The following PTPRG variants were observed in gnomAD, a reference collection of about 807,000 sequenced individuals.
PTPRG encodes the protein protein tyrosine phosphatase receptor type G, also known as receptor-type tyrosine-protein phosphatase gamma.
PTPRG carries 102 observed loss-of-function variants against 165.3 expected under a neutral mutation model. That is an observed-to-expected ratio of 0.62 (90% confidence interval 0.53 to 0.73). The LOEUF (loss-of-function observed/expected upper bound fraction) is 0.73. PTPRG is among the 30% of genes least tolerant of loss of function. The pLI, the probability that PTPRG is intolerant of heterozygous loss-of-function variation, is 0.00. For missense variants in PTPRG, 1,866 were observed against 1,861.4 expected (o/e 1.00, Z -0.05); for synonymous variants, 675 against 669.5 (o/e 1.01, Z -0.13).
rs398062374 is a variant in PTPRG at position 62,021,857 on chromosome 3, CTTTT to C, written c.519+18376_519+18379del. Among the ~76,000 whole-genome samples, 907 of 97,122 alleles carry C rather than the reference CTTTT, an allele frequency of 9.3e-3. 9 individuals are homozygous for C. Among genetic ancestry groups the C allele is most frequent in the African/African-American group, 0.033 (842 of 25,692 alleles). 63.7% of individuals were successfully genotyped at this position (97,122 alleles called of 152,430 possible). On this transcript the variant is annotated intron_variant, in intron 4 of 29. Transcript: ENST00000474889. ...TGGCCATATAGGTCTTTTTCCTTTT[CTTTT>C]TTTTTTTTTTTTTTTGCATTCCATG...
intron 2 of PTPRG, among the ~76,000 whole-genome samples, chr3:61,803,277 A>G (rs752382995): frequency 6.6e-6 from 1 of 152,212 alleles, no homozygotes; most frequent in Non-Finnish European, 1.5e-5. Flanking sequence ...TCAACCCATT[A>G]TCTCTGCAAT....
chr3:61,936,189 G>T (rs1255644772), intron 2 of PTPRG, among the ~76,000 whole-genome samples: 1 of 152,098 alleles, frequency 6.6e-6, no homozygotes, highest in Non-Finnish European at 1.5e-5. Context: ...CATCTTCTAG[G>T]ACCATGAGAA....
At chr3:61,588,733 G>A (rs1433532518) in intron 1 of PTPRG, among the ~76,000 whole-genome samples, 7 of 152,122 alleles carry the variant, frequency 4.6e-5, no homozygotes, top group East Asian at 1.9e-4. Flanking sequence ...GGAATGAGCC[G>A]CCGCGCCCGG....
chr3:61,601,151 G>A (rs1049243759), intron 1 of PTPRG, among the ~76,000 whole-genome samples: 3 of 152,196 alleles, frequency 2.0e-5, no homozygotes, highest in Non-Finnish European at 4.4e-5. Flanking sequence ...ACCTCCTTGG[G>A]AGGCTGAGGT....
intron 2 of PTPRG, among the ~76,000 whole-genome samples, chr3:61,987,620 G>C (rs2040792736): frequency 1.3e-5 from 2 of 151,978 alleles, no homozygotes; most frequent in Admixed American, 1.3e-4. Context: ...GTTTCTAGAA[G>C]GCATGCATAC....
intron 1 of PTPRG, among the ~76,000 whole-genome samples, chr3:61,672,812 GGA>G (rs1304800137): frequency 6.8e-6 from 1 of 147,968 alleles, no homozygotes; most frequent in Admixed American, 6.8e-5. Flanking sequence ...GGAGAGAGAG[GGA>G]GAGAGAGAGG....
intron 2 of PTPRG, among the ~76,000 whole-genome samples, chr3:61,946,032 CT>C (rs2039753010): frequency 6.6e-6 from 1 of 152,144 alleles, no homozygotes; most frequent in Admixed American, 6.5e-5. Context: ...TTATCTCTCT[CT>C]TTGTATGAGA....
intron 2 of PTPRG, among the ~76,000 whole-genome samples, chr3:61,812,632 TGCTTTCCACA>T (rs1262636776): frequency 1.3e-5 from 2 of 152,250 alleles, no homozygotes; most frequent in African/African-American, 4.8e-5. Context: ...CCTCGTTAGC[TGCTTTCCACA>T]GTAGAGATTC....
At chr3:61,564,828 T>C (rs968410080) in intron 1 of PTPRG, among the ~76,000 whole-genome samples, 2 of 152,126 alleles carry the variant, frequency 1.3e-5, no homozygotes, top group African/African-American at 4.8e-5. Context: ...TCCCAGGCTC[T>C]GGGGCTGCAG....
At chr3:61,812,778 T>G (rs768498450) in intron 2 of PTPRG, among the ~76,000 whole-genome samples, 6 of 152,208 alleles carry the variant, frequency 3.9e-5, no homozygotes, top group Non-Finnish European at 5.9e-5. Context: ...GATAATTCTC[T>G]GATGCAGTTA....
rs577303730 is a variant in PTPRG at position 62,053,789 on chromosome 3, T to G, written c.520-24374T>G. On this transcript the variant is annotated intron_variant, in intron 4 of 29. Coordinates refer to ENST00000474889, the MANE Select transcript of PTPRG (RefSeq NM_002841.4). ...CTAAATGTAAACTAAAATATAGATT[T>G]CCTCTCCCCATGAGAGCATTTAGAG... Among the ~76,000 whole-genome samples, 8 of 152,298 alleles carry G rather than the reference T, an allele frequency of 5.3e-5. 1 individual carries two copies. Among genetic ancestry groups the G allele is most frequent in the Middle Eastern group, 3.4e-3 (1 of 294 alleles).
At chr3:62,069,324 T>C (rs906125809) in intron 4 of PTPRG, among the ~76,000 whole-genome samples, 16 of 152,196 alleles carry the variant, frequency 1.1e-4, no homozygotes, top group Middle Eastern at 3.2e-3. Context: ...AATCCGGTCT[T>C]ATTCTATAGC....
intron 1 of PTPRG, among the ~76,000 whole-genome samples, chr3:61,660,533 G>A (rs894307137): frequency 6.6e-6 from 1 of 152,190 alleles, no homozygotes; most frequent in Non-Finnish European, 1.5e-5. Context: ...CACATAGTTA[G>A]CGAGTGATAT....
At chr3:62,058,598 G>A (rs533030600) in intron 4 of PTPRG, among the ~76,000 whole-genome samples, 227 of 152,166 alleles carry the variant, frequency 1.5e-3, no homozygotes, top group African/African-American at 5.3e-3. Flanking sequence ...CTTGCCCTGC[G>A]TTTATGGATC....
intron 20 of PTPRG, among the ~76,000 whole-genome samples, chr3:62,270,256 T>A (rs1702017454): frequency 6.6e-6 from 1 of 152,100 alleles, no homozygotes. Context: ...CCTTGCCCCA[T>A]TTATATTCAC....
intron 9 of PTPRG, among the ~76,000 whole-genome samples, chr3:62,194,268 C>T (rs773848939): frequency 6.6e-6 from 1 of 152,188 alleles, no homozygotes; most frequent in Admixed American, 6.5e-5. Context: ...GGCATTCTTT[C>T]TGTTGCTCGG....
chr3:61,792,207 TG>T (rs565406909), intron 2 of PTPRG, among the ~76,000 whole-genome samples: 182 of 150,630 alleles, frequency 1.2e-3, no homozygotes, highest in African/African-American at 4.2e-3. Context: ...GGCGGGGAGT[TG>T]GGGGTGGGGG....
intron 5 of PTPRG, among the ~76,000 whole-genome samples, chr3:62,091,086 G>A (rs1008505437): frequency 1.3e-5 from 2 of 152,194 alleles, no homozygotes; most frequent in Admixed American, 6.5e-5. Context: ...AATTAGCAAC[G>A]ACTAGGGTTA....
chr3:61,826,605 G>C (rs544136288), intron 2 of PTPRG, among the ~76,000 whole-genome samples: 3 of 152,118 alleles, frequency 2.0e-5, no homozygotes, highest in African/African-American at 7.2e-5. Context: ...TGTAAGAATG[G>C]CCAGATGTTT....
Sources: allele counts gnomAD v4.1 joint callset (sites outside exome capture counted in the v4.1 genomes callset), GRCh38; gene constraint gnomAD v4.1.1; transcripts MANE v1.5; gene names NCBI Gene and HGNC (gene_info 2026-07-23, HGNC 2026-07-21).